RGS6: variants seen among roughly 807,000 people sequenced by gnomAD.
RGS6 encodes regulator of G protein signaling 6.
RGS6 carries 30 observed loss-of-function variants against 78.5 expected under a neutral mutation model. The observed-to-expected ratio is 0.38, with a 90% CI of 0.29 to 0.52. RGS6 has a LOEUF of 0.52. Among genes scored for constraint, RGS6 ranks in the 20% least tolerant of loss-of-function variants. The probability of loss-of-function intolerance (pLI) is 0.85; values close to 1 mark genes in which losing one functional copy is unlikely to be tolerated. For synonymous variants in RGS6, 206 were observed against 206.0 expected, an observed-to-expected ratio of 1.00 and a Z score of 0.00; for missense variants, 495 against 609.7, an observed-to-expected ratio of 0.81 and a Z score of 1.98.
intron 2 of RGS6, among the ~76,000 whole-genome samples, chr14:72,082,876 G>T (rs1037635155): frequency 6.6e-6 from 1 of 152,094 alleles, no homozygotes. Flanking sequence ...TTGGCTCCAA[G>T]TTACAAAAAA....
intron 3 of RGS6, among the ~76,000 whole-genome samples, chr14:72,436,877 A>G (rs992204730): frequency 5.9e-5 from 9 of 152,184 alleles, no homozygotes; most frequent in African/African-American, 7.2e-5. Flanking sequence ...TTGGAAATCT[A>G]TGGTGTGGCC....
At chr14:72,134,470 T>C (rs1228939792) in intron 2 of RGS6, among the ~76,000 whole-genome samples, 2 of 151,048 alleles carry the variant, frequency 1.3e-5, no homozygotes, top group East Asian at 3.9e-4. Flanking sequence ...ACATTTCCAT[T>C]TTCCTTTGTT....
intron 1 of RGS6, among the ~76,000 whole-genome samples, chr14:71,952,238 T>C (rs1402562569): frequency 6.6e-6 from 1 of 152,212 alleles, no homozygotes; most frequent in Non-Finnish European, 1.5e-5. Context: ...TATTAAATAT[T>C]ATTAAATATT....
chr14:71,988,505 A>G (rs897787877), intron 2 of RGS6, among the ~76,000 whole-genome samples: 4 of 152,156 alleles, frequency 2.6e-5, no homozygotes, highest in African/African-American at 4.8e-5. Context: ...CAGTATCTGT[A>G]TATCAAGTTT....
the RGS6 span, among the ~76,000 whole-genome samples, chr14:72,615,198 G>A: frequency 1.6e-4 from 25 of 152,230 alleles, 1 homozygote; most frequent in South Asian, 5.2e-3. Context: ...TGGGGGGCAG[G>A]GATGTGGTCC....
intron 2 of RGS6, among the ~76,000 whole-genome samples, chr14:72,040,300 C>T (rs2092274442): frequency 6.6e-6 from 1 of 151,970 alleles, no homozygotes; most frequent in African/African-American, 2.4e-5. Flanking sequence ...TTAGCATTTC[C>T]TGTAAGGCAG....
At chr14:72,417,991 A>G (rs372334753) in intron 3 of RGS6, among the ~76,000 whole-genome samples, 49 of 152,294 alleles carry the variant, frequency 3.2e-4, no homozygotes, top group African/African-American at 1.1e-3. Context: ...ACTTGGGGGC[A>G]GAAAAACAAG....
At chr14:72,308,795 T>C (rs990196604) in intron 2 of RGS6, among the ~76,000 whole-genome samples, 1 of 152,214 alleles carries the variant, frequency 6.6e-6, no homozygotes, top group African/African-American at 2.4e-5. Flanking sequence ...TAAATTATTA[T>C]AGAGAGAATG....
chr14:72,301,228 G>A (rs1450161769), intron 2 of RGS6, among the ~76,000 whole-genome samples: 1 of 152,160 alleles, frequency 6.6e-6, no homozygotes, highest in Non-Finnish European at 1.5e-5. Context: ...TGCAATCCTT[G>A]ACCAATGTAA....
chr14:72,558,047 C>T (rs1392527262), intron 17 of RGS6, among the ~76,000 whole-genome samples: 1 of 152,028 alleles, frequency 6.6e-6, no homozygotes, highest in African/African-American at 2.4e-5. Flanking sequence ...ACCTGAAGTA[C>T]ATGGCTCAAT....
intron 2 of RGS6, among the ~76,000 whole-genome samples, chr14:72,265,456 T>G (rs1174801198): frequency 1.3e-5 from 2 of 152,158 alleles, no homozygotes; most frequent in Non-Finnish European, 2.9e-5. Flanking sequence ...GAAGACCTCT[T>G]GGGAACCACA....
chr14:72,071,853 G>A (rs1051304291), intron 2 of RGS6, among the ~76,000 whole-genome samples: 3 of 152,144 alleles, frequency 2.0e-5, no homozygotes, highest in African/African-American at 7.2e-5. Flanking sequence ...ACGATGTCTT[G>A]TATTATCTTT....
At chr14:72,195,490 A>G (rs1267302772) in intron 2 of RGS6, among the ~76,000 whole-genome samples, 1 of 152,200 alleles carries the variant, frequency 6.6e-6, no homozygotes, top group East Asian at 1.9e-4. Context: ...AAGAGGGCCC[A>G]GGGCCAGGGG....
At chr14:72,530,765 C>T (rs748380973) in intron 15 of RGS6, among the ~76,000 whole-genome samples, 3 of 152,242 alleles carry the variant, frequency 2.0e-5, no homozygotes, top group Non-Finnish European at 4.4e-5. Context: ...TCAGCCTGGG[C>T]TCTGAGACCA....
chr14:72,131,630 C>G (rs890992950), intron 2 of RGS6, among the ~76,000 whole-genome samples: 2 of 152,140 alleles, frequency 1.3e-5, no homozygotes, highest in Non-Finnish European at 2.9e-5. Flanking sequence ...TGACCTTAGG[C>G]AACAACCAAC....
At chr14:71,988,977 A>G (rs1566969380) in intron 2 of RGS6, among the ~76,000 whole-genome samples, 1 of 152,180 alleles carries the variant, frequency 6.6e-6, no homozygotes, top group Non-Finnish European at 1.5e-5. Flanking sequence ...TTTTTAAAAT[A>G]AAAAACAGGC....
At chr14:72,374,148 G>A (rs567431450) in intron 3 of RGS6, among the ~76,000 whole-genome samples, 2 of 152,068 alleles carry the variant, frequency 1.3e-5, no homozygotes, top group South Asian at 4.2e-4. Flanking sequence ...ATGCAGGTTT[G>A]TTACATATGT....
intron 2 of RGS6, among the ~76,000 whole-genome samples, chr14:72,058,743 G>A (rs2093744908): frequency 6.6e-6 from 1 of 152,062 alleles, no homozygotes; most frequent in South Asian, 2.1e-4. Flanking sequence ...ACTATGTGAT[G>A]TTGTGTCAAT....
At chr14:72,157,519 C>T (rs1013123110) in intron 2 of RGS6, among the ~76,000 whole-genome samples, 5 of 152,170 alleles carry the variant, frequency 3.3e-5, no homozygotes, top group African/African-American at 7.2e-5. Context: ...GATGATTTCC[C>T]AGGTTTCCTT....
Sources: allele counts gnomAD v4.1 joint callset (sites outside exome capture counted in the v4.1 genomes callset), GRCh38; gene constraint gnomAD v4.1.1; transcripts MANE v1.5; gene names NCBI Gene and HGNC (gene_info 2026-07-23, HGNC 2026-07-21).